Variants in COPZ2 observed in about 807,000 individuals in gnomAD.
COPZ2 encodes the protein coat protein complex I subunit zeta 2, also known as coatomer subunit zeta-2.
COPZ2 carries 30 observed loss-of-function variants against 33.2 expected under a neutral mutation model. That is an observed-to-expected ratio of 0.90 (90% CI 0.68 to 1.23). The LOEUF is 1.23. COPZ2 is among the 50% of genes most tolerant of loss of function. The pLI, the probability that COPZ2 is intolerant of heterozygous loss-of-function variation, is 0.00. For synonymous variants in COPZ2, 89 were observed against 102.6 expected (o/e 0.87, Z 0.80); for missense variants, 263 against 262.4 (o/e 1.00, Z -0.02).
chr17:48,044,434 A>G, the COPZ2 span, among the ~76,000 whole-genome samples: 2 of 118,572 alleles, frequency 1.7e-5, no homozygotes, highest in African/African-American at 3.2e-5. Flanking sequence ...TTTTACCCCA[A>G]TGTGGATTCT....
chr17:48,030,971 C>G (rs568391616), intron 6 of COPZ2, among the ~76,000 whole-genome samples: 10 of 152,330 alleles, frequency 6.6e-5, no homozygotes, highest in African/African-American at 2.4e-4. Context: ...CTTAGTGCCC[C>G]AGGCAGTCCA....
At chr17:48,033,719 C>G in intron 3 of COPZ2, 144 bp downstream of exon 3, 1 of 655,890 alleles carries the variant, frequency 1.5e-6, no homozygotes. Context: ...GAGTGGAGAA[C>G]AGCAGGGAAG....
intron 4 of COPZ2, 108 bp downstream of exon 4, chr17:48,033,103 A>T: frequency 1.3e-6 from 1 of 756,024 alleles, no homozygotes; most frequent in South Asian, 1.6e-5. Flanking sequence ...AGCCTAAAAG[A>T]AGGGGTCCAA....
chr17:48,027,240 C>A (rs61542227), intron 8 of COPZ2, among the ~76,000 whole-genome samples: 7,278 of 152,336 alleles, frequency 0.048, 189 homozygotes, highest in Middle Eastern at 0.12. Context: ...CTACCTGTAG[C>A]TTCCTTTGTT....
At chr17:48,044,913 A>G in the COPZ2 span, among the ~76,000 whole-genome samples, 1 of 152,146 alleles carries the variant, frequency 6.6e-6, no homozygotes. Flanking sequence ...GTTACAGAGT[A>G]AGAAATACTT....
upstream of COPZ2, among the ~76,000 whole-genome samples, chr17:48,038,446 TCTAA>T (rs202133524): frequency 0.015 from 2,350 of 152,322 alleles, 23 homozygotes; most frequent in South Asian, 0.032. Flanking sequence ...TTGGTCTAAG[TCTAA>T]CTAAGACAAG....
intron 6 of COPZ2, among the ~76,000 whole-genome samples, chr17:48,030,129 C>CA (rs769912218): frequency 2.9e-4 from 44 of 150,734 alleles, no homozygotes; most frequent in Non-Finnish European, 4.4e-4. Flanking sequence ...ACTGAAAATA[C>CA]AAAAAAAATT....
At chr17:48,037,928 G>A, upstream of COPZ2, 4 of 720,898 alleles carry the variant, frequency 5.5e-6, no homozygotes, top group Non-Finnish European at 6.2e-6. This position sits in a 1 kb window ranked among gnomAD's most constrained non-coding sequence, Gnocchi z 5.6. Flanking sequence ...CTCCCCTCCC[G>A]CCCTCACCCC....
chr17:48,042,006 G>A (rs1357635234), upstream of COPZ2, among the ~76,000 whole-genome samples: 1 of 152,078 alleles, frequency 6.6e-6, no homozygotes, highest in Admixed American at 6.6e-5. Context: ...AGTTATACAC[G>A]TTAGGGATGG....
upstream of COPZ2, among the ~76,000 whole-genome samples, chr17:48,038,856 T>C (rs2037031989): frequency 6.6e-6 from 1 of 152,256 alleles, no homozygotes; most frequent in Non-Finnish European, 1.5e-5. Flanking sequence ...TGAAATATAA[T>C]TACCAAAAGG....
the COPZ2 span, among the ~76,000 whole-genome samples, chr17:48,043,061 C>T: frequency 6.6e-6 from 1 of 152,356 alleles, no homozygotes; most frequent in East Asian, 1.9e-4. Context: ...GAAGCATGCA[C>T]GTGCAGCAGC....
chr17:48,034,001 T>C, intron 2 of COPZ2, 57 bp from the exon 3 acceptor site: 1 of 1,267,644 alleles, frequency 7.9e-7, no homozygotes, highest in East Asian at 2.4e-5. Context: ...GGATCCTCCC[T>C]AGATTGGGGG....
chr17:48,034,260 C>T (rs539279099), intron 2 of COPZ2, among the ~76,000 whole-genome samples: 1 of 152,352 alleles, frequency 6.6e-6, no homozygotes, highest in Non-Finnish European at 1.5e-5. Context: ...AGGCATGCGC[C>T]ACCACGCCCA....
the COPZ2 span, among the ~76,000 whole-genome samples, chr17:48,044,739 A>G: frequency 1.3e-5 from 2 of 152,312 alleles, no homozygotes; most frequent in Non-Finnish European, 2.9e-5. Context: ...TGTTTACCAT[A>G]TAAGAGAGAG....
chr17:48,032,891 T>C, intron 4 of COPZ2, 150 bp from the exon 5 acceptor site: 1 of 653,502 alleles, frequency 1.5e-6, no homozygotes, highest in Non-Finnish European at 2.7e-6. Flanking sequence ...AGAGGGAACT[T>C]CCATGTGTCT....
At chr17:48,041,103 G>C (rs1313715474), upstream of COPZ2, among the ~76,000 whole-genome samples, 3 of 128,796 alleles carry the variant, frequency 2.3e-5, no homozygotes, top group Non-Finnish European at 3.1e-5. Context: ...AGTGAGCCAA[G>C]ATCACACCAC....
At chr17:48,046,160 A>G in the COPZ2 span, 1 of 152,212 alleles carries the variant, frequency 6.6e-6, no homozygotes, top group African/African-American at 2.4e-5. Context: ...CTCCACAGAT[A>G]AACGATTGTC....
At position 48,037,773 on chromosome 17, in the gene COPZ2, T is replaced by A. The variant is rs1307831518; in HGVS notation, c.5A>T (p.Gln2Leu). 9.9e-7 allele frequency: 1 copy of A among 1,010,808 alleles called. No individual in the cohort carries two copies. Among genetic ancestry groups the A allele is most frequent in the Non-Finnish European group, 1.2e-6 (1 of 851,554 alleles). The allele number at this position is 1,010,808 out of a possible 1,614,324, so 62.6% of individuals were successfully genotyped here. Residue 2 changes from glutamine to leucine, a missense_variant, in exon 1 of 9, where the codon CAG becomes CTG. By Grantham distance (113) the Gln-to-Leu change is moderately radical. Transcript: ENST00000621465. This position sits in a 1 kb window ranked among gnomAD's most constrained non-coding sequence, Gnocchi z 5.6. ...CGGACGTGGCCAGGCCTCGGGCCGC[T>A]GCATTCCGCTCGCCGCCTCGCACTG... MQRPEAWPRPHP... is the reference protein window; with the variant it reads MLRPEAWPRPHP...
chr17:48,039,440 A>G (rs2037038885), upstream of COPZ2, among the ~76,000 whole-genome samples: 1 of 151,226 alleles, frequency 6.6e-6, no homozygotes, highest in Non-Finnish European at 1.5e-5. Context: ...ACTGTGCTCC[A>G]GCCTGGGCAA....
Sources: allele counts gnomAD v4.1 joint callset (sites outside exome capture counted in the v4.1 genomes callset), GRCh38; gene constraint gnomAD v4.1.1; non-coding constraint Gnocchi (gnomAD v3.1); transcripts MANE v1.5; gene names NCBI Gene and HGNC (gene_info 2026-07-23, HGNC 2026-07-21).